The following ZC3H12B variants were observed in gnomAD, a reference collection of about 807,000 sequenced individuals.
ZC3H12B encodes the protein probable ribonuclease ZC3H12B.
In ZC3H12B, 7 loss-of-function variants were observed where a neutral mutation model predicts 43.9. That is an observed-to-expected ratio of 0.16 (90% CI 0.09 to 0.30). The LOEUF (loss-of-function observed/expected upper bound fraction) is 0.30, where lower values mean the gene tolerates loss of function less well. Ranked by LOEUF, ZC3H12B falls within the 10% of genes least tolerant of loss-of-function variation. ZC3H12B has a pLI of 1.00. For missense variants in ZC3H12B, 475 were observed against 670.2 expected (o/e 0.71, Z 3.22); for synonymous variants, 222 against 241.7 (o/e 0.92, Z 0.76).
chrX:65,298,013 T>G, the ZC3H12B span, among the ~76,000 whole-genome samples: 1 of 112,078 alleles, frequency 8.9e-6, no homozygotes, highest in African/African-American at 3.2e-5. Context: ...GGATCAAAGA[T>G]TTTAATCTTC....
chrX:65,499,024 G>A, exon 3 of ZC3H12B: 1 of 1,209,725 alleles, frequency 8.3e-7, no homozygotes, highest in Middle Eastern at 2.3e-4. Flanking sequence ...GAAAACTGGA[G>A]AAGGAAAAGA....
At chrX:65,220,277 A>G in the ZC3H12B span, among the ~76,000 whole-genome samples, 1 of 111,931 alleles carries the variant, frequency 8.9e-6, no homozygotes, top group Admixed American at 9.5e-5. Flanking sequence ...CAGTACCTAT[A>G]AAACAACTAC....
the ZC3H12B span, among the ~76,000 whole-genome samples, chrX:65,311,630 G>A: frequency 9.0e-6 from 1 of 111,381 alleles, no homozygotes; most frequent in African/African-American, 3.3e-5. Flanking sequence ...TTGACCCAGC[G>A]ATCCCATTAC....
At chrX:65,268,454 A>G in the ZC3H12B span, among the ~76,000 whole-genome samples, 1 of 112,177 alleles carries the variant, frequency 8.9e-6, no homozygotes, top group Non-Finnish European at 1.9e-5. Flanking sequence ...AAAAGACACC[A>G]AAAGAAAACA....
At chrX:65,489,396 A>G in exon 1 of ZC3H12B, 1 of 1,197,690 alleles carries the variant, frequency 8.3e-7, no homozygotes, top group Non-Finnish European at 1.1e-6. Context: ...TGATGGAAGT[A>G]ATGTGGCAAT....
the ZC3H12B span, among the ~76,000 whole-genome samples, chrX:65,301,927 T>A: frequency 1.8e-5 from 2 of 111,519 alleles, no homozygotes; most frequent in Middle Eastern, 4.6e-3. Flanking sequence ...GCCATATTCA[T>A]ATACATAGCT....
intron 3 of ZC3H12B, among the ~76,000 whole-genome samples, chrX:65,401,459 G>A (rs1176792478): frequency 1.8e-5 from 2 of 111,649 alleles, no homozygotes; most frequent in African/African-American, 6.5e-5. Context: ...CACTACTGGG[G>A]GACAAAGTGC....
intron 2 of ZC3H12B, among the ~76,000 whole-genome samples, chrX:65,369,618 C>T (rs1384727490): frequency 9.0e-6 from 1 of 111,490 alleles, no homozygotes; most frequent in African/African-American, 3.3e-5. Context: ...TCAGAAAATA[C>T]TTTACAACCA....
chrX:65,493,843 T>G (rs1406272040), intron 1 of ZC3H12B, among the ~76,000 whole-genome samples: 1 of 111,956 alleles, frequency 8.9e-6, no homozygotes, highest in Non-Finnish European at 1.9e-5. Flanking sequence ...ACAAGCCACT[T>G]GAAAAGCTTT....
the ZC3H12B span, among the ~76,000 whole-genome samples, chrX:65,286,536 A>T: frequency 9.0e-6 from 1 of 110,824 alleles, no homozygotes; most frequent in African/African-American, 3.3e-5. Flanking sequence ...ACAAACCTGC[A>T]CATGTACCCT....
At chrX:65,112,245 G>A in the ZC3H12B span, among the ~76,000 whole-genome samples, 1 of 111,858 alleles carries the variant, frequency 8.9e-6, no homozygotes, top group Non-Finnish European at 1.9e-5. Context: ...GCTGAGAGAG[G>A]TGAAGAAACT....
At chrX:65,308,298 T>C in the ZC3H12B span, among the ~76,000 whole-genome samples, 1 of 109,996 alleles carries the variant, frequency 9.1e-6, no homozygotes, top group South Asian at 3.9e-4. Context: ...TGAAGGAAGA[T>C]CTACCAAGCA....
At chrX:65,458,822 A>G (rs946025416) in intron 3 of ZC3H12B, among the ~76,000 whole-genome samples, 1 of 111,525 alleles carries the variant, frequency 9.0e-6, no homozygotes, top group Non-Finnish European at 1.9e-5. Context: ...GAGGAAACGC[A>G]TTCAAAAGCT....
chrX:65,132,110 G>A, the ZC3H12B span, among the ~76,000 whole-genome samples: 1 of 110,984 alleles, frequency 9.0e-6, no homozygotes, highest in Non-Finnish European at 1.9e-5. Context: ...AGGGGTGTAG[G>A]GGAATAGTGA....
At chrX:65,081,581 T>C in the ZC3H12B span, among the ~76,000 whole-genome samples, 4 of 111,801 alleles carry the variant, frequency 3.6e-5, no homozygotes, top group Non-Finnish European at 7.5e-5. Flanking sequence ...CAAGATGATG[T>C]AACAATTTAA....
At chrX:65,079,571 G>A in the ZC3H12B span, among the ~76,000 whole-genome samples, 1 of 112,426 alleles carries the variant, frequency 8.9e-6, no homozygotes, top group East Asian at 2.8e-4. Flanking sequence ...AAAAGAACAA[G>A]TATTTGCCTG....
intron 2 of ZC3H12B, among the ~76,000 whole-genome samples, chrX:65,384,900 T>C (rs1247192348): frequency 8.9e-6 from 1 of 112,393 alleles, no homozygotes; most frequent in Non-Finnish European, 1.9e-5. Flanking sequence ...ATTTGTTAAA[T>C]AGGGAATCCT....
the ZC3H12B span, among the ~76,000 whole-genome samples, chrX:65,153,598 G>A: frequency 8.9e-5 from 10 of 112,025 alleles, no homozygotes; most frequent in South Asian, 3.7e-3. Context: ...TGGAGAGGAT[G>A]TGGAGAAATA....
chrX:65,185,348 C>G, the ZC3H12B span: 2 of 112,098 alleles, frequency 1.8e-5, no homozygotes, highest in Non-Finnish European at 3.8e-5. Context: ...GTGGTCCTGA[C>G]AGATAGCTGT....
Sources: gnomAD v4.1 joint callset for allele counts (sites outside exome capture counted in the v4.1 genomes callset) on GRCh38, gnomAD v4.1.1 for gene constraint, MANE v1.5 for transcripts, NCBI Gene and HGNC (gene_info 2026-07-23, HGNC 2026-07-21) for gene names.